CSMD1: variants seen among roughly 807,000 people sequenced by gnomAD.
CSMD1 encodes the protein CUB and Sushi multiple domains 1.
In CSMD1, 213 loss-of-function variants were observed where a neutral mutation model predicts 417.5. That is an observed-to-expected ratio of 0.51 (90% CI 0.46 to 0.57). CSMD1 has a LOEUF of 0.57. Among genes scored for constraint, CSMD1 ranks in the 20% least tolerant of loss-of-function variants. The pLI, the probability that CSMD1 is intolerant of heterozygous loss-of-function variation, is 0.00. For synonymous variants in CSMD1, 2,862 were observed against 1,736.8 expected (o/e 1.65, Z -16.11); for missense variants, 6,923 against 4,529.7 (o/e 1.53, Z -15.17).
In CSMD1 at chr8:4,863,930, CATAA is replaced by C. The variant is rs1174901446; in HGVS notation, c.85+130398_85+130401del. ...AAGGAAGTGAAATGTTATTTTTCTT[CATAA>C]ATAAATCCTAAAATAAATGTCAAGA... On this transcript the variant is annotated intron_variant, in intron 1 of 69. Coordinates refer to ENST00000635120, the MANE Select transcript of CSMD1 (RefSeq NM_033225.6). Among the ~76,000 whole-genome samples, 2 of 138,332 alleles carry C rather than the reference CATAA, an allele frequency of 1.4e-5. 1 individual carries two copies. Among genetic ancestry groups the C allele is most frequent in the African/African-American group, 5.3e-5 (2 of 37,506 alleles). 90.8% of individuals were successfully genotyped at this position (138,332 alleles called of 152,430 possible).
chr8:3,076,833 A>G (rs2129001298), intron 49 of CSMD1, among the ~76,000 whole-genome samples: 1 of 152,242 alleles, frequency 6.6e-6, no homozygotes, highest in South Asian at 2.1e-4. Context: ...TTCTTTAAGA[A>G]GTGTGTTGTC....
At chr8:3,906,036 C>T (rs1808086355) in intron 5 of CSMD1, among the ~76,000 whole-genome samples, 1 of 152,062 alleles carries the variant, frequency 6.6e-6, no homozygotes. Flanking sequence ...TTTTCAAAAC[C>T]CTAAATAGCG....
Position 2,998,282 on chromosome 8 carries a change from T to C in CSMD1, c.8204-98A>G, listed in dbSNP as rs886452506. 2.4e-5 allele frequency: 30 copies of C among 1,263,092 alleles called. No individual in the cohort carries two copies. The African/African-American group carries it at 3.6e-4, about 15-fold the overall frequency. 78.2% of individuals were successfully genotyped at this position (1,263,092 alleles called of 1,614,324 possible). A position where few individuals can be genotyped will look rare whatever the true frequency, so the allele number is the denominator to read the frequency against. On this transcript the variant is annotated intron_variant, in intron 53 of 69. Transcript: ENST00000635120. Reference sequence around the variant, plus strand: ...GAAACATGCAGGCATGCTAACGGTATGGACTGAAGGTTTTCCACTAACCAG... The same window carrying C: ...GAAACATGCAGGCATGCTAACGGTACGGACTGAAGGTTTTCCACTAACCAG...
intron 3 of CSMD1, among the ~76,000 whole-genome samples, chr8:4,419,585 T>C (rs1166637292): frequency 6.6e-6 from 1 of 152,168 alleles, no homozygotes; most frequent in Non-Finnish European, 1.5e-5. Flanking sequence ...TCAAGCACTA[T>C]CAGTATAATT....
intron 26 of CSMD1, among the ~76,000 whole-genome samples, chr8:3,271,229 T>C (rs1801829320): frequency 6.6e-6 from 1 of 152,086 alleles, no homozygotes; most frequent in South Asian, 2.1e-4. Context: ...ATTTCCAATT[T>C]CTTCCATGTC....
chr8:4,033,615 G>C (rs1797469744), intron 3 of CSMD1, among the ~76,000 whole-genome samples: 1 of 152,088 alleles, frequency 6.6e-6, no homozygotes, highest in South Asian at 2.1e-4. Flanking sequence ...CAATCCTCTT[G>C]GGCACTTGTT....
chr8:4,443,415 C>T (rs1420719783), intron 2 of CSMD1, among the ~76,000 whole-genome samples: 1 of 152,142 alleles, frequency 6.6e-6, no homozygotes, highest in African/African-American at 2.4e-5. Context: ...AAAATTGCAA[C>T]AATCTTTATT....
intron 10 of CSMD1, among the ~76,000 whole-genome samples, chr8:3,537,458 C>G (rs1361005026): frequency 6.6e-6 from 1 of 152,086 alleles, no homozygotes; most frequent in African/African-American, 2.4e-5. Flanking sequence ...CTAATTGTAA[C>G]ATAATAAAAT....
intron 10 of CSMD1, among the ~76,000 whole-genome samples, chr8:3,553,060 G>T (rs920858090): frequency 1.3e-5 from 2 of 149,590 alleles, no homozygotes. Flanking sequence ...ATATATTCAA[G>T]CAATAAAATA....
At chr8:4,099,095 T>TTTTTTC (rs1481634854) in intron 3 of CSMD1, among the ~76,000 whole-genome samples, 1 of 152,068 alleles carries the variant, frequency 6.6e-6, no homozygotes, top group Non-Finnish European at 1.5e-5. Context: ...TTTCATCTGT[T>TTTTTTC]TTTTTCTTTT....
chr8:2,966,659 G>T lies in CSMD1; in HGVS notation c.9011C>A (p.Ala3004Asp), dbSNP rs1394207099. 1 of 1,613,748 alleles carries T rather than the reference G, an allele frequency of 6.2e-7. No individual in the cohort carries two copies. The highest frequency in any genetic ancestry group is 8.5e-7 in the Non-Finnish European group (1 of 1,179,784). The change falls in exon 58 of 70, where the codon GCC becomes GAC. Residue 3004 changes from alanine to aspartate, a missense_variant. Transcript: ENST00000635120. Reference sequence around the variant, plus strand: ...TGAGGTCTTGTAGCCTTCCCAGCAGGCATAGATGACCGAGCTGGAGAACAG... The same window carrying T: ...TGAGGTCTTGTAGCCTTCCCAGCAGTCATAGATGACCGAGCTGGAGAACAG... ...GILFSSSVIY[A>D]CWEGYKTSGL...
chr8:3,925,313 G>T (rs576838535), intron 5 of CSMD1, among the ~76,000 whole-genome samples: 6 of 152,174 alleles, frequency 3.9e-5, no homozygotes, highest in African/African-American at 1.4e-4. Context: ...TCAGAGTAAA[G>T]TACTTGTGCA....
At chr8:4,645,981 T>A (rs1473769295) in intron 1 of CSMD1, among the ~76,000 whole-genome samples, 2 of 152,158 alleles carry the variant, frequency 1.3e-5, no homozygotes, top group Admixed American at 1.3e-4. Flanking sequence ...GCCAATCAAA[T>A]CAAAAACAAC....
At chr8:3,996,428 TAA>T (rs1389817890) in intron 5 of CSMD1, among the ~76,000 whole-genome samples, 3 of 123,494 alleles carry the variant, frequency 2.4e-5, no homozygotes, top group African/African-American at 9.4e-5. Context: ...AGATGCTTAA[TAA>T]ATTCATTTTT....
chr8:3,169,480 GA>G (rs1003852017), intron 37 of CSMD1, among the ~76,000 whole-genome samples: 16 of 146,962 alleles, frequency 1.1e-4, no homozygotes, highest in Middle Eastern at 3.4e-3. Context: ...CGAAATCATA[GA>G]AAAAAAAAAG....
chr8:4,332,803 C>T (rs1799950878), intron 3 of CSMD1, among the ~76,000 whole-genome samples: 1 of 151,890 alleles, frequency 6.6e-6, no homozygotes, highest in Non-Finnish European at 1.5e-5. Context: ...TGTGTGGAGA[C>T]AGGAGAAGTT....
At chr8:4,358,991 T>C (rs1241405262) in intron 3 of CSMD1, among the ~76,000 whole-genome samples, 2 of 151,966 alleles carry the variant, frequency 1.3e-5, no homozygotes, top group South Asian at 2.1e-4. Flanking sequence ...CACATTTAAG[T>C]TGACATATAT....
At chr8:4,809,656 T>C (rs1041799426) in intron 1 of CSMD1, among the ~76,000 whole-genome samples, 2 of 152,190 alleles carry the variant, frequency 1.3e-5, no homozygotes, top group Non-Finnish European at 2.9e-5. Flanking sequence ...TTAACTTTTC[T>C]AGGGGCCATA....
chr8:4,637,307 A>G (rs1224470795), intron 2 of CSMD1, 35 bp downstream of exon 2: 1 of 1,457,200 alleles, frequency 6.9e-7, no homozygotes, highest in South Asian at 1.2e-5. Context: ...GTATTCAAAC[A>G]GTGCTAACTG....
Sources: allele counts gnomAD v4.1 joint callset (sites outside exome capture counted in the v4.1 genomes callset), GRCh38; gene constraint gnomAD v4.1.1; transcripts MANE v1.5; gene names NCBI Gene and HGNC (gene_info 2026-07-23, HGNC 2026-07-21).